Variants in RFX3 observed in about 807,000 individuals in gnomAD.
RFX3 encodes the protein regulatory factor X3, also known as transcription factor RFX3.
In RFX3, 14 loss-of-function variants were observed where a neutral mutation model predicts 98.6. The ratio of observed to expected loss-of-function variants is 0.14; its 90% confidence interval spans 0.09 to 0.22. The LOEUF (loss-of-function observed/expected upper bound fraction) is 0.22. RFX3 is among the 10% of genes least tolerant of loss of function. The probability of loss-of-function intolerance (pLI) is 1.00; values close to 1 mark genes in which losing one functional copy is unlikely to be tolerated. For missense variants in RFX3, 639 were observed against 926.9 expected (o/e 0.69, Z 4.03); for synonymous variants, 383 against 328.4 (o/e 1.17, Z -1.80).
chr9:3,349,559 C>T (rs111349335), intron 2 of RFX3, among the ~76,000 whole-genome samples: 4,206 of 152,090 alleles, frequency 0.028, 83 homozygotes, highest in South Asian at 0.046. Flanking sequence ...TTCACCCCTG[C>T]TGCTTCTATC....
chr9:3,254,274 A>G lies in RFX3; in HGVS notation c.1814+2717T>C, dbSNP rs1216138587. Among the ~76,000 whole-genome samples, 5 of 141,918 alleles carry G rather than the reference A, an allele frequency of 3.5e-5. No homozygotes were observed. The East Asian group carries it at 8.0e-4, about 23-fold the overall frequency. 93.1% of individuals were successfully genotyped at this position (141,918 alleles called of 152,430 possible). A position where few individuals can be genotyped will look rare whatever the true frequency, so the allele number is the denominator to read the frequency against. On this transcript the variant is annotated intron_variant, in intron 14 of 16. Transcript: ENST00000617270. Reference sequence around the variant, plus strand: ...TAAAATGACATCAACTAAATATAGGAAAAAAAAAAAAACCAACCACAGGTA... The same window carrying G: ...TAAAATGACATCAACTAAATATAGGGAAAAAAAAAAAACCAACCACAGGTA...
intron 15 of RFX3, among the ~76,000 whole-genome samples, chr9:3,242,172 C>G (rs1315087426): frequency 1.3e-5 from 2 of 152,158 alleles, no homozygotes; most frequent in African/African-American, 4.8e-5. Context: ...GGGCAACTTT[C>G]AATTTCTCTT....
intron 8 of RFX3, among the ~76,000 whole-genome samples, chr9:3,276,691 A>C (rs1825271155): frequency 6.6e-6 from 1 of 152,010 alleles, no homozygotes; most frequent in African/African-American, 2.4e-5. Flanking sequence ...ACACATACAC[A>C]CAGTCACTCT....
rs1482790386 is a variant in RFX3 at position 3,222,834 on chromosome 9, C to T, written c.*2208G>A. 1 of 152,022 alleles carries T rather than the reference C, an allele frequency of 6.6e-6. No individual in the cohort carries two copies. The highest frequency in any genetic ancestry group is 2.4e-5 in the African/African-American group (1 of 41,400). 9.4% of individuals were successfully genotyped at this position (152,022 alleles called of 1,614,324 possible). A position where few individuals can be genotyped will look rare whatever the true frequency, so the allele number is the denominator to read the frequency against. On this transcript the variant is annotated 3_prime_UTR_variant, in exon 17 of 17. Transcript: ENST00000617270. Reference sequence around the variant, plus strand: ...AAATGACATTTAGATGAAGGTGATGCTACTATGCTAGTGAAGACTTTCAAA... The same window carrying T: ...AAATGACATTTAGATGAAGGTGATGTTACTATGCTAGTGAAGACTTTCAAA...
chr9:3,338,127 C>A (rs1254740006), intron 3 of RFX3, among the ~76,000 whole-genome samples: 1 of 152,114 alleles, frequency 6.6e-6, no homozygotes, highest in Non-Finnish European at 1.5e-5. Context: ...GAAAGGAATT[C>A]AAGTGACCTG....
In RFX3 at chr9:3,336,320, T is replaced by C. The variant is rs527449332; in HGVS notation, c.216-5803A>G. ...ACACAGACATGACCTCTACTATTAT[T>C]AGGGCTACGTAACACAAGGAGAAAG... On this transcript the variant is annotated intron_variant, in intron 3 of 16. Coordinates refer to ENST00000617270, the MANE Select transcript of RFX3 (RefSeq NM_001282116.2). Among the ~76,000 whole-genome samples, 5 of 152,000 alleles carry C rather than the reference T, an allele frequency of 3.3e-5. No homozygotes were observed. The East Asian group carries it at 9.7e-4, about 29-fold the overall frequency.
chr9:3,374,574 C>T (rs1234591050), intron 2 of RFX3, among the ~76,000 whole-genome samples: 1 of 152,122 alleles, frequency 6.6e-6, no homozygotes, highest in Admixed American at 6.5e-5. Context: ...CACGGATGAA[C>T]TTTGAGGACA....
intron 1 of RFX3, among the ~76,000 whole-genome samples, chr9:3,422,012 A>G (rs186071460): frequency 7.6e-4 from 115 of 152,044 alleles, no homozygotes; most frequent in African/African-American, 2.5e-3. Flanking sequence ...AAAAAAAAAA[A>G]AAATCTAAGG....
chr9:3,371,100 T>C lies in RFX3; in HGVS notation c.118-24336A>G, dbSNP rs543773983. On this transcript the variant is annotated intron_variant, in intron 2 of 16. Transcript: ENST00000617270. ...TAAAGTCATTCAATTTATTCACTATTGTATGTGTATAACTGCAAGGGAATA... is the reference window on the plus strand; with the variant it reads ...TAAAGTCATTCAATTTATTCACTATCGTATGTGTATAACTGCAAGGGAATA... Among the ~76,000 whole-genome samples, 31 of 152,310 alleles carry C rather than the reference T, an allele frequency of 2.0e-4. No homozygotes were observed. In the South Asian group the frequency reaches 6.0e-3, roughly 30 times the overall value.
chr9:3,300,835 A>G lies in RFX3; in HGVS notation c.549+711T>C, dbSNP rs7357729. The stretch of plus-strand genomic sequence containing the variant: ...GGTTTCCCACATGAGAACAGCTGAT[A>G]AAAATGTTTATAATTTCACAAAACT... On this transcript the variant is annotated intron_variant, in intron 5 of 16. Transcript: ENST00000617270. 1.1e-3 allele frequency among the ~76,000 whole-genome samples: 165 copies of G among 152,060 alleles called. 1 individual carries two copies. The highest frequency in any genetic ancestry group is 3.8e-3 in the African/African-American group (156 of 41,548).
At chr9:3,370,764 A>G (rs1189097816) in intron 2 of RFX3, among the ~76,000 whole-genome samples, 1 of 152,176 alleles carries the variant, frequency 6.6e-6, no homozygotes, top group Non-Finnish European at 1.5e-5. Flanking sequence ...TATATAAAAT[A>G]CATGCTTATA....
intron 1 of RFX3, among the ~76,000 whole-genome samples, chr9:3,514,271 A>C (rs956775036): frequency 3.3e-5 from 5 of 152,332 alleles, no homozygotes; most frequent in African/African-American, 1.2e-4. Context: ...TAATGCAAAA[A>C]TCAGTGCACA....
chr9:3,436,530 A>G (rs1845140245), intron 1 of RFX3, among the ~76,000 whole-genome samples: 1 of 152,124 alleles, frequency 6.6e-6, no homozygotes, highest in Admixed American at 6.6e-5. Context: ...ATACCTTAAA[A>G]TGAATAAATA....
Position 3,330,265 on chromosome 9 carries a change from T to A in RFX3, c.468A>T (p.Pro156=). ...TAAAAATTCAAATACTTACTGTCGC[T>A]GGGGAGGCCCGAGTTGTGTGTGTCA... ...HSVTHTTRAS[P]ATIEMAIETL... is the part of the protein sequence containing the mutation. Residue 156 remains proline (P), a synonymous_variant, in exon 4 of 17, where the codon CCA becomes CCT. Coordinates refer to ENST00000617270, the MANE Select transcript of RFX3 (RefSeq NM_001282116.2). 1 of 1,614,102 alleles carries A rather than the reference T, an allele frequency of 6.2e-7. No individual in the cohort carries two copies. The highest frequency in any genetic ancestry group is 8.5e-7 in the Non-Finnish European group (1 of 1,179,984).
At chr9:3,388,120 T>G (rs1275155344) in intron 2 of RFX3, among the ~76,000 whole-genome samples, 1 of 152,152 alleles carries the variant, frequency 6.6e-6, no homozygotes, top group Non-Finnish European at 1.5e-5. Flanking sequence ...TCTTACTGGT[T>G]GTAACGACAT....
At chr9:3,452,718 T>C (rs558519598) in intron 1 of RFX3, among the ~76,000 whole-genome samples, 14 of 152,360 alleles carry the variant, frequency 9.2e-5, no homozygotes, top group Middle Eastern at 3.4e-3. Context: ...TCTGGCTATC[T>C]GAATTATTTT....
At chr9:3,437,617 C>T (rs1845257605) in intron 1 of RFX3, among the ~76,000 whole-genome samples, 1 of 152,050 alleles carries the variant, frequency 6.6e-6, no homozygotes, top group Non-Finnish European at 1.5e-5. Flanking sequence ...AAAGCTATTT[C>T]AGGTTTAGGC....
At chr9:3,440,224 C>A (rs1845498201) in intron 1 of RFX3, among the ~76,000 whole-genome samples, 1 of 152,010 alleles carries the variant, frequency 6.6e-6, no homozygotes, top group Non-Finnish European at 1.5e-5. Context: ...TTCATCACTT[C>A]TATTCAATAC....
In RFX3 at chr9:3,219,449, T is replaced by C. The variant is rs1175028748; in HGVS notation, c.*5593A>G. The C allele has an allele frequency of 4.8e-5, 7 of 144,446 alleles. 1 individual carries two copies. Among genetic ancestry groups the C allele is most frequent in the Middle Eastern group, 7.0e-3 (2 of 286 alleles). The allele number at this position is 144,446 out of a possible 1,614,324, so 8.9% of individuals were successfully genotyped here. On this transcript the variant is annotated 3_prime_UTR_variant, in exon 17 of 17. Coordinates refer to ENST00000617270, the MANE Select transcript of RFX3 (RefSeq NM_001282116.2). ...TTCCAATCCCAACATCATAATTTAT[T>C]TAAAAAAAAAAAACAAAGGAAAGAG...
Sources: gnomAD v4.1 joint callset for allele counts (sites outside exome capture counted in the v4.1 genomes callset) on GRCh38, gnomAD v4.1.1 for gene constraint, MANE v1.5 for transcripts, NCBI Gene and HGNC (gene_info 2026-07-23, HGNC 2026-07-21) for gene names.